HDHD5: variants seen among roughly 807,000 people sequenced by gnomAD.
The protein encoded by HDHD5 is haloacid dehalogenase-like hydrolase domain-containing 5.
Under a neutral mutation model 35.5 loss-of-function variants are expected in HDHD5, and 34 were observed. The observed-to-expected ratio is 0.96, with a 90% CI of 0.73 to 1.28. The LOEUF (loss-of-function observed/expected upper bound fraction) is 1.28, where lower values mean the gene tolerates loss of function less well. Ranked by LOEUF, HDHD5 falls within the 50% of genes most tolerant of loss-of-function variation. HDHD5 has a pLI of 0.00. For synonymous variants in HDHD5, 248 were observed against 240.6 expected, an observed-to-expected ratio of 1.03 and a Z score of -0.29; for missense variants, 589 against 560.2, an observed-to-expected ratio of 1.05 and a Z score of -0.52.
chr22:17,154,977 T>C (rs920056469), intron 1 of HDHD5, among the ~76,000 whole-genome samples: 5 of 151,768 alleles, frequency 3.3e-5, no homozygotes, highest in African/African-American at 1.2e-4. Flanking sequence ...AGGTTTGAAA[T>C]GACAAGAAAT....
chr22:17,158,973 A>G (rs879590544), intron 1 of HDHD5, 153 bp downstream of exon 1: 2 of 680,676 alleles, frequency 2.9e-6, no homozygotes, highest in Non-Finnish European at 4.0e-6. Flanking sequence ...TCCGCCCTCC[A>G]GCAAGAACGC....
intron 5 of HDHD5, 170 bp downstream of exon 5, chr22:17,142,925 TAAC>T (rs1346395293): frequency 1.6e-6 from 1 of 619,144 alleles, no homozygotes; most frequent in Admixed American, 3.7e-5. Flanking sequence ...AAGGAAAGAC[TAAC>T]AACAGTCTCA....
intron 5 of HDHD5, 149 bp from the exon 6 acceptor site, chr22:17,141,382 G>T: frequency 1.4e-6 from 2 of 1,401,072 alleles, no homozygotes; most frequent in Non-Finnish European, 1.8e-6. Flanking sequence ...AAGCCCAGTA[G>T]AGCCCCTTAC....
rs117034467 is a variant in HDHD5 at position 17,140,411 on chromosome 22, G to A, written c.746+648C>T. Reference sequence around the variant, plus strand: ...CTTATCTGCTGGGTCTCAGTTCTCTGGTCTATACGACTATCAGAACAATCC... The same window carrying A: ...CTTATCTGCTGGGTCTCAGTTCTCTAGTCTATACGACTATCAGAACAATCC... On this transcript the variant is annotated intron_variant, in intron 6 of 7. Transcript: ENST00000336737. 3.3e-5 allele frequency among the ~76,000 whole-genome samples: 5 copies of A among 152,150 alleles called. No homozygotes were observed. The East Asian group carries it at 9.7e-4, about 29-fold the overall frequency.
At position 17,159,173 on chromosome 22, in the gene HDHD5, G is replaced by GC; in HGVS notation, c.78dup (p.Leu27AlafsTer105). On this transcript the variant is annotated frameshift_variant, in exon 1 of 8. Coordinates refer to ENST00000336737, the MANE Select transcript of HDHD5 (RefSeq NM_033070.3). LOFTEE classifies it high-confidence loss of function. ...CACCTGCGGGCGGGGCGGCCCTGGA[G>GC]CCCCGCAGCCGCGCGCGCCGCCCGC... 1 of 1,218,666 alleles carries GC rather than the reference G, an allele frequency of 8.2e-7. No individual in the cohort carries two copies. The highest frequency in any genetic ancestry group is 1.0e-6 in the Non-Finnish European group (1 of 979,290). 75.5% of individuals were successfully genotyped at this position (1,218,666 alleles called of 1,614,324 possible).
intron 6 of HDHD5, among the ~76,000 whole-genome samples, chr22:17,139,319 G>A (rs959658054): frequency 1.3e-5 from 2 of 152,142 alleles, no homozygotes; most frequent in African/African-American, 4.8e-5. Context: ...CCTGAGGTCA[G>A]GAGTTCAAGA....
chr22:17,137,846 G>A lies in HDHD5; in HGVS notation c.*175C>T, dbSNP rs1221695293. Reference sequence around the variant, plus strand: ...GTTCCATACAAAATGCTACCCAGCAGGGAAAAAGAGTCACTGTCTTCTTCC... The same window carrying A: ...GTTCCATACAAAATGCTACCCAGCAAGGAAAAAGAGTCACTGTCTTCTTCC... On this transcript the variant is annotated 3_prime_UTR_variant, in exon 8 of 8. Coordinates refer to ENST00000336737, the MANE Select transcript of HDHD5 (RefSeq NM_033070.3). The A allele has an allele frequency of 1.3e-5, 8 of 597,434 alleles. No individual in the cohort carries two copies. The highest frequency in any genetic ancestry group is 2.2e-5 in the South Asian group (1 of 46,436). The allele number at this position is 597,434 out of a possible 1,614,324, so 37.0% of individuals were successfully genotyped here. A position where few individuals can be genotyped will look rare whatever the true frequency, so the allele number is the denominator to read the frequency against.
At chr22:17,153,242 G>A (rs772731821) in intron 1 of HDHD5, among the ~76,000 whole-genome samples, 2 of 152,128 alleles carry the variant, frequency 1.3e-5, no homozygotes, top group Non-Finnish European at 2.9e-5. Context: ...AAAATGTGCC[G>A]GTTTATACAA....
chr22:17,149,392 C>T, intron 2 of HDHD5, 150 bp downstream of exon 2: 1 of 719,170 alleles, frequency 1.4e-6, no homozygotes, highest in South Asian at 1.7e-5. Flanking sequence ...CTGCCAAATA[C>T]ACAGGCAGGA....
rs771383361 is a variant in HDHD5, at chr22:17,149,685, C to T, written c.187G>A (p.Val63Met). 1 of 1,614,078 alleles carries T rather than the reference C, an allele frequency of 6.2e-7. No individual in the cohort carries two copies. The highest frequency in any genetic ancestry group is 1.3e-5 in the African/African-American group (1 of 75,056). The change falls in exon 2 of 8, where the codon GTG (valine) becomes ATG (methionine). Residue 63 changes from valine (V) to methionine (M), a missense_variant. Transcript: ENST00000336737. ...AAGGCTTTCAGAGCAGCAGGGATCA[C>T]TCTGTGGCCCCGCACAAGCACTCCA... is the stretch of plus-strand genomic sequence containing the variant. ...IDGVLVRGHR[V>M]IPAALKAFRR...
chr22:17,138,451 G>T, intron 7 of HDHD5, 94 bp from the exon 8 acceptor site: 2 of 1,544,424 alleles, frequency 1.3e-6, no homozygotes, highest in Non-Finnish European at 1.8e-6. Flanking sequence ...TTTCGGGGCA[G>T]AAGAGTGAAT....
upstream of HDHD5, among the ~76,000 whole-genome samples, chr22:17,162,372 G>T (rs118138475): frequency 1.1e-3 from 170 of 152,328 alleles, 3 homozygotes; most frequent in East Asian, 0.025. Context: ...AATATTCTTG[G>T]TGATCAGGAC....
At position 17,138,308 on chromosome 22, in the gene HDHD5, G is replaced by A. The variant is rs759689163; in HGVS notation, c.985C>T (p.Leu329=). The A allele has an allele frequency of 2.5e-6, 4 of 1,614,172 alleles. No individual in the cohort carries two copies. Among genetic ancestry groups the A allele is most frequent in the Non-Finnish European group, 3.4e-6 (4 of 1,180,044 alleles). The change falls in exon 8 of 8, where the codon CTG becomes TTG. Residue 329 remains leucine (L), a synonymous_variant. Transcript: ENST00000336737. The part of the protein sequence containing the change: ...VYGANLFHQY[L]QKATHDGAPE... ...GCCCCATCATGCGTTGCCTTCTGCA[G>A]GTACTGGTGGAACAGGTTGGCGCCG...
At chr22:17,138,812 T>A (rs1252945101) in intron 6 of HDHD5, 74 bp from the exon 7 acceptor site, 1 of 1,547,218 alleles carries the variant, frequency 6.5e-7, no homozygotes, top group African/African-American at 1.4e-5. Context: ...ACTGCCACTG[T>A]CTAAGCAGCA....
chr22:17,148,818 G>A (rs1259430432), intron 2 of HDHD5, among the ~76,000 whole-genome samples: 3 of 152,122 alleles, frequency 2.0e-5, no homozygotes, highest in African/African-American at 4.8e-5. Context: ...ACTTGCCACC[G>A]CTACCCCGTC....
chr22:17,155,011 G>A lies in HDHD5; in HGVS notation c.126+4115C>T, dbSNP rs559498316. On this transcript the variant is annotated intron_variant, in intron 1 of 7. Transcript: ENST00000336737. ...ATCAGAGATTTACTTTAAAATCTTA[G>A]AGCCACAAAAAAAGGAGGAGGGAGA... 4.3e-4 allele frequency among the ~76,000 whole-genome samples: 66 copies of A among 152,054 alleles called. 1 individual carries two copies. In the South Asian group the frequency reaches 0.013, roughly 30 times the overall value.
upstream of HDHD5, chr22:17,159,388 C>T (rs1364903837): frequency 2.3e-5 from 24 of 1,039,654 alleles, no homozygotes; most frequent in Non-Finnish European, 3.2e-5. Context: ...GCCCGTCGGG[C>T]GCCTATGGAA....
upstream of HDHD5, among the ~76,000 whole-genome samples, chr22:17,160,581 A>G (rs146548685): frequency 1.6e-4 from 24 of 151,454 alleles, no homozygotes; most frequent in African/African-American, 5.8e-4. Context: ...CCCAGGCAGC[A>G]GAAGTTGCAG....
upstream of HDHD5, chr22:17,159,600 C>G (rs1368010822): frequency 2.4e-6 from 1 of 417,604 alleles, no homozygotes; most frequent in Non-Finnish European, 4.7e-6. Flanking sequence ...GCTTCGCGGA[C>G]TGTCTGGGCC....
Sources: gnomAD v4.1 joint callset for allele counts (sites outside exome capture counted in the v4.1 genomes callset) on GRCh38, gnomAD v4.1.1 for gene constraint, MANE v1.5 for transcripts, NCBI Gene and HGNC (gene_info 2026-07-23, HGNC 2026-07-21) for gene names.